The following CTNNA3 variants were observed in gnomAD, a reference collection of about 807,000 sequenced individuals.
The protein encoded by CTNNA3 is catenin alpha-3.
CTNNA3 carries 76 observed loss-of-function variants against 95.7 expected under a neutral mutation model. The ratio of observed to expected loss-of-function variants is 0.79; its 90% CI spans 0.66 to 0.96. CTNNA3 has a LOEUF of 0.96. Ranked by LOEUF, CTNNA3 falls within the 40% of genes least tolerant of loss-of-function variation. The pLI is 0.00. For synonymous variants in CTNNA3, 431 were observed against 374.4 expected (o/e 1.15, Z -1.74); for missense variants, 1,191 against 1,089.8 (o/e 1.09, Z -1.31).
At chr10:66,965,346 C>T (rs1446392576) in intron 7 of CTNNA3, among the ~76,000 whole-genome samples, 2 of 151,894 alleles carry the variant, frequency 1.3e-5, no homozygotes, top group Non-Finnish European at 2.9e-5. Context: ...ACGATCTTGG[C>T]CAACATGGTG....
chr10:67,584,449 C>T (rs892326979), intron 3 of CTNNA3, among the ~76,000 whole-genome samples: 1 of 152,130 alleles, frequency 6.6e-6, no homozygotes, highest in Non-Finnish European at 1.5e-5. Context: ...AGAGGGTCAC[C>T]CAGCTGTATG....
chr10:67,164,435 T>C (rs1001865244), intron 7 of CTNNA3, among the ~76,000 whole-genome samples: 5 of 152,040 alleles, frequency 3.3e-5, no homozygotes, highest in Non-Finnish European at 7.4e-5. Flanking sequence ...TCACACTTCA[T>C]AAAAAGTTAA....
intron 5 of CTNNA3, among the ~76,000 whole-genome samples, chr10:67,273,927 C>T (rs1839082630): frequency 6.6e-6 from 1 of 151,950 alleles, no homozygotes; most frequent in South Asian, 2.1e-4. Context: ...TCCTGGCTCA[C>T]AAGAGGGATA....
chr10:67,222,967 C>T (rs1864727320), intron 5 of CTNNA3, among the ~76,000 whole-genome samples: 1 of 152,172 alleles, frequency 6.6e-6, no homozygotes, highest in Admixed American at 6.5e-5. Context: ...GCCATGGGGA[C>T]TTTGAAATGT....
At chr10:66,652,213 CAAAAGTGGCTTTTTGGAAGT>C (rs1210114348) in intron 9 of CTNNA3, among the ~76,000 whole-genome samples, 1 of 144,814 alleles carries the variant, frequency 6.9e-6, no homozygotes, top group African/African-American at 2.5e-5. Flanking sequence ...AAAAAATCAA[CAAAAGTGGCTTTTTGGAAGT>C]TAATCAAAAT....
At chr10:67,501,618 G>A (rs968837026) in intron 5 of CTNNA3, among the ~76,000 whole-genome samples, 1 of 152,076 alleles carries the variant, frequency 6.6e-6, no homozygotes, top group Non-Finnish European at 1.5e-5. Context: ...CGTAGGTTTG[G>A]TCTTTTCACA....
At chr10:66,662,329 T>C (rs1029547273) in intron 9 of CTNNA3, among the ~76,000 whole-genome samples, 4 of 152,164 alleles carry the variant, frequency 2.6e-5, no homozygotes, top group African/African-American at 9.7e-5. Flanking sequence ...TCTCTCTGAA[T>C]TCATAATCAC....
intron 11 of CTNNA3, among the ~76,000 whole-genome samples, chr10:66,443,728 A>G (rs1351342463): frequency 6.6e-6 from 1 of 152,046 alleles, no homozygotes; most frequent in Non-Finnish European, 1.5e-5. Context: ...TGGGGAAAAA[A>G]CAGAGCAGAA....
Position 66,538,016 on chromosome 10 carries a change from CT to C in CTNNA3, c.1375-17244del, listed in dbSNP as rs1336515649. On this transcript the variant is annotated intron_variant, in intron 10 of 17. Coordinates refer to ENST00000433211, the MANE Select transcript of CTNNA3 (RefSeq NM_013266.4). ...ACCATCACTACATGGCATAACTTCCCTATCATGAAGTAGTAAAGAATCAATC... is the reference window on the plus strand; with the variant it reads ...ACCATCACTACATGGCATAACTTCCCATCATGAAGTAGTAAAGAATCAATC... Among the ~76,000 whole-genome samples the C allele has an allele frequency of 2.0e-5, 3 of 152,230 alleles. No homozygotes were observed. In the East Asian group the frequency reaches 5.8e-4, roughly 29 times the overall value.
At chr10:66,278,721 C>T (rs1042948434) in intron 13 of CTNNA3, among the ~76,000 whole-genome samples, 3 of 152,014 alleles carry the variant, frequency 2.0e-5, no homozygotes, top group Non-Finnish European at 2.9e-5. Context: ...GCATTCCGTA[C>T]CCTGGTTCCC....
chr10:66,571,989 T>C (rs979322558), intron 10 of CTNNA3, among the ~76,000 whole-genome samples: 3 of 152,194 alleles, frequency 2.0e-5, no homozygotes, highest in Non-Finnish European at 4.4e-5. Flanking sequence ...TTAGAGTCCA[T>C]GTTCTTAACC....
chr10:65,925,383 T>C (rs1359204280), intron 17 of CTNNA3, among the ~76,000 whole-genome samples: 1 of 152,202 alleles, frequency 6.6e-6, no homozygotes, highest in Non-Finnish European at 1.5e-5. Flanking sequence ...TCTGGTTCTC[T>C]TCCTCTCTAC....
chr10:66,199,502 T>C (rs143679727), intron 13 of CTNNA3, among the ~76,000 whole-genome samples: 20 of 151,966 alleles, frequency 1.3e-4, no homozygotes, highest in Admixed American at 3.3e-4. Flanking sequence ...GCTATGTATG[T>C]ATGGTCTTTA....
At chr10:66,859,100 T>C (rs1290279251) in intron 7 of CTNNA3, among the ~76,000 whole-genome samples, 1 of 152,094 alleles carries the variant, frequency 6.6e-6, no homozygotes, top group Non-Finnish European at 1.5e-5. Context: ...AGAAAAACAC[T>C]TTTGTATTCA....
chr10:67,619,302 T>C (rs1843752381), intron 2 of CTNNA3, among the ~76,000 whole-genome samples: 1 of 152,034 alleles, frequency 6.6e-6, no homozygotes, highest in Non-Finnish European at 1.5e-5. Flanking sequence ...GAGAACCCAA[T>C]ACCAAATCCA....
At chr10:67,515,789 T>G (rs1422580635) in intron 5 of CTNNA3, among the ~76,000 whole-genome samples, 2 of 152,150 alleles carry the variant, frequency 1.3e-5, no homozygotes, top group Non-Finnish European at 2.9e-5. Context: ...AATTGAGCAA[T>G]TAACATACTT....
chr10:67,546,836 G>A (rs1840858863), intron 3 of CTNNA3, among the ~76,000 whole-genome samples: 1 of 151,962 alleles, frequency 6.6e-6, no homozygotes, highest in Admixed American at 6.6e-5. Flanking sequence ...TTCCTTTTAT[G>A]GCTAAATGTA....
At chr10:66,777,799 GCACACACA>G (rs111611061) in intron 7 of CTNNA3, among the ~76,000 whole-genome samples, 2 of 138,082 alleles carry the variant, frequency 1.4e-5, no homozygotes, top group African/African-American at 5.8e-5. Context: ...ACACACACAT[GCACACACA>G]CACACACACA....
chr10:66,184,511 A>G (rs1011071036), intron 13 of CTNNA3, among the ~76,000 whole-genome samples: 2 of 152,146 alleles, frequency 1.3e-5, no homozygotes, highest in African/African-American at 2.4e-5. Context: ...TTTATTATAC[A>G]AATAACCAAT....
Sources: gnomAD v4.1 joint callset for allele counts (sites outside exome capture counted in the v4.1 genomes callset) on GRCh38, gnomAD v4.1.1 for gene constraint, MANE v1.5 for transcripts, NCBI Gene and HGNC (gene_info 2026-07-23, HGNC 2026-07-21) for gene names.